Variants in CPEB3 observed in about 807,000 individuals in gnomAD.
CPEB3 encodes the protein cytoplasmic polyadenylation element binding protein 3, also known as cytoplasmic polyadenylation element-binding protein 3.
CPEB3 carries 20 observed loss-of-function variants against 67.2 expected under a neutral mutation model. The observed-to-expected ratio is 0.30, with a 90% CI of 0.21 to 0.43. The LOEUF (loss-of-function observed/expected upper bound fraction) is 0.43, where lower values mean the gene tolerates loss of function less well. Ranked by LOEUF, CPEB3 falls within the 20% of genes least tolerant of loss-of-function variation. The pLI is 1.00. For missense variants in CPEB3, 746 were observed against 968.6 expected (o/e 0.77, Z 3.05); for synonymous variants, 376 against 393.1 (o/e 0.96, Z 0.51).
chr10:92,090,478 G>A (rs1026816328), intron 8 of CPEB3, among the ~76,000 whole-genome samples: 11 of 152,178 alleles, frequency 7.2e-5, no homozygotes, highest in African/African-American at 2.7e-4. Context: ...GGAGGCGGAG[G>A]TTGCAGTGAG....
chr10:92,120,693 T>A (rs1845322203), intron 6 of CPEB3, among the ~76,000 whole-genome samples: 2 of 152,182 alleles, frequency 1.3e-5, no homozygotes, highest in Admixed American at 1.3e-4. Flanking sequence ...TATTTAGGAA[T>A]GAGAGTCTAC....
At chr10:92,269,703 A>G (rs936653193) in intron 1 of CPEB3, among the ~76,000 whole-genome samples, 14 of 152,058 alleles carry the variant, frequency 9.2e-5, no homozygotes, top group African/African-American at 3.4e-4. Context: ...GATTACAGGC[A>G]TGCACCACTG....
At chr10:92,206,293 G>A (rs1049465453) in intron 2 of CPEB3, among the ~76,000 whole-genome samples, 4 of 151,772 alleles carry the variant, frequency 2.6e-5, no homozygotes, top group South Asian at 2.1e-4. Flanking sequence ...GGCTGGTCTC[G>A]AACTCCCAAC....
chr10:92,069,941 C>T lies in CPEB3; in HGVS notation c.1869+11379G>A, dbSNP rs188997786. 7.9e-5 allele frequency among the ~76,000 whole-genome samples: 12 copies of T among 152,240 alleles called. No individual in the cohort carries two copies. In the East Asian group the frequency reaches 2.3e-3, roughly 29 times the overall value. ...GGGAATATCAACCACAATGTCAATG[C>T]CCCACTACTACATGGACATGCAGTT... On this transcript the variant is annotated intron_variant, in intron 9 of 9. Transcript: ENST00000265997.
At chr10:92,241,896 A>C (rs1851866763) in intron 1 of CPEB3, among the ~76,000 whole-genome samples, 1 of 152,248 alleles carries the variant, frequency 6.6e-6, no homozygotes, top group African/African-American at 2.4e-5. Context: ...TTATTAATAA[A>C]TTTAATGCAG....
intron 9 of CPEB3, among the ~76,000 whole-genome samples, chr10:92,053,127 T>A (rs74149360): frequency 6.6e-6 from 1 of 152,190 alleles, no homozygotes; most frequent in Admixed American, 6.5e-5. Flanking sequence ...GAAGCTACTA[T>A]AATAATTGGG....
In CPEB3 at chr10:92,071,628, G is replaced by A. The variant is rs576720600; in HGVS notation, c.1869+9692C>T. 2.7e-3 allele frequency among the ~76,000 whole-genome samples: 405 copies of A among 151,914 alleles called. 3 individuals carry two copies. The highest frequency in any genetic ancestry group is 4.9e-3 in the Admixed American group (74 of 15,252). On this transcript the variant is annotated intron_variant, in intron 9 of 9. Coordinates refer to ENST00000265997, the MANE Select transcript of CPEB3 (RefSeq NM_014912.5). ...CAGGCGCCTGTAATCCCAGCTACTCGGGAGGCTGAGGCAAGAGAATCGCTT... is the reference window on the plus strand; with the variant it reads ...CAGGCGCCTGTAATCCCAGCTACTCAGGAGGCTGAGGCAAGAGAATCGCTT...
At chr10:92,108,474 T>C (rs188211400) in intron 7 of CPEB3, among the ~76,000 whole-genome samples, 12 of 152,270 alleles carry the variant, frequency 7.9e-5, no homozygotes, top group Admixed American at 3.3e-4. Flanking sequence ...GATGTGGAGC[T>C]AAAACCAAGT....
At chr10:92,187,340 C>T (rs1326749964) in intron 3 of CPEB3, among the ~76,000 whole-genome samples, 1 of 152,178 alleles carries the variant, frequency 6.6e-6, no homozygotes, top group Non-Finnish European at 1.5e-5. Context: ...GTTCTTTTCA[C>T]TTTTCAAATC....
At chr10:92,240,437 T>C in intron 1 of CPEB3, 76 bp from the exon 2 acceptor site, 1 of 1,358,842 alleles carries the variant, frequency 7.4e-7, no homozygotes. Context: ...GGCGGGTGTT[T>C]CACTTGCGAA....
chr10:92,143,083 G>A lies in CPEB3; in HGVS notation c.1399C>T (p.Leu467Phe). 6.2e-7 allele frequency: 1 copy of A among 1,613,670 alleles called. No homozygotes were observed. The highest frequency in any genetic ancestry group is 8.5e-7 in the Non-Finnish European group (1 of 1,179,794). ...ITASFRRFGP[L>F]VVDWPHKAES... Reference sequence around the variant, plus strand: ...GCTTTGTGAGGCCAGTCTACTACGAGAGGTCCAAACCTGCGAAAGCTGGCA... The same window carrying A: ...GCTTTGTGAGGCCAGTCTACTACGAAAGGTCCAAACCTGCGAAAGCTGGCA... The change falls in exon 6 of 10, where the codon CTC becomes TTC. Residue 467 changes from leucine (L) to phenylalanine (F), a missense_variant. Physicochemically the swap from Leu to Phe is conservative, Grantham distance 22. This residue lies in a region of CPEB3 where 643 missense variants were observed against 717.5 expected (regional missense o/e 0.90). Transcript: ENST00000265997.
intron 1 of CPEB3, among the ~76,000 whole-genome samples, chr10:92,271,013 C>A (rs557443594): frequency 7.2e-5 from 11 of 152,194 alleles, no homozygotes; most frequent in Admixed American, 6.5e-4. Flanking sequence ...CTCGTCTCTA[C>A]TAAAAATACA....
At chr10:92,141,181 C>T (rs1354179840) in intron 6 of CPEB3, among the ~76,000 whole-genome samples, 9 of 138,584 alleles carry the variant, frequency 6.5e-5, no homozygotes, top group Non-Finnish European at 1.4e-4. Context: ...CACATGCACA[C>T]GTATGTTTAT....
chr10:92,260,147 C>T (rs1400825058), intron 1 of CPEB3, among the ~76,000 whole-genome samples: 2 of 152,178 alleles, frequency 1.3e-5, no homozygotes, highest in African/African-American at 4.8e-5. Flanking sequence ...CCCACTGACA[C>T]AAAGCTTTTA....
chr10:92,203,942 T>A (rs1018242392), intron 2 of CPEB3, among the ~76,000 whole-genome samples: 1 of 152,206 alleles, frequency 6.6e-6, no homozygotes, highest in African/African-American at 2.4e-5. Context: ...TCTTTAATAT[T>A]TCTCCAGGAA....
Position 92,239,827 on chromosome 10 carries a change from G to A in CPEB3, c.524C>T (p.Pro175Leu), listed in dbSNP as rs773197389. ...CTGTGGTGGCTGCGCTGGCTGTGCC[G>A]GCTGCGGCGCGGGCGCAGGCGGCGG... The part of the protein sequence containing the change: ...QPPPPAPAPQ[P>L]AQPAQPPQAQ... Residue 175 changes from proline (P) to leucine (L), a missense_variant, in exon 2 of 10, where the codon CCG becomes CTG. By Grantham distance (98) the Pro-to-Leu change is moderately conservative. Around this residue, in one of 2 missense-constraint regions of CPEB3, gnomAD observed 643 missense variants for 717.5 expected, o/e 0.90. Coordinates refer to ENST00000265997, the MANE Select transcript of CPEB3 (RefSeq NM_014912.5). This position sits in a 1 kb window ranked among gnomAD's most constrained non-coding sequence, Gnocchi z 6.0. The A allele has an allele frequency of 1.5e-5, 22 of 1,474,134 alleles. No homozygotes were observed. Among genetic ancestry groups the A allele is most frequent in the Non-Finnish European group, 1.9e-5 (21 of 1,113,096 alleles). 91.3% of individuals were successfully genotyped at this position (1,474,134 alleles called of 1,614,324 possible).
At chr10:92,156,121 T>C (rs1309391696) in intron 4 of CPEB3, among the ~76,000 whole-genome samples, 1 of 152,066 alleles carries the variant, frequency 6.6e-6, no homozygotes, top group Non-Finnish European at 1.5e-5. Context: ...AATCAGGGCA[T>C]ACAGAAAAGG....
At chr10:92,255,660 G>A (rs896413140) in intron 1 of CPEB3, among the ~76,000 whole-genome samples, 3 of 152,142 alleles carry the variant, frequency 2.0e-5, no homozygotes, top group African/African-American at 4.8e-5. Flanking sequence ...GAACCTAACC[G>A]TGGTGCACCA....
intron 4 of CPEB3, among the ~76,000 whole-genome samples, chr10:92,148,047 C>T (rs1464483844): frequency 1.3e-5 from 2 of 152,178 alleles, no homozygotes; most frequent in Admixed American, 6.5e-5. Context: ...ACTTCTACCT[C>T]GTACCCCACA....
Sources: gnomAD v4.1 joint callset for allele counts (sites outside exome capture counted in the v4.1 genomes callset) on GRCh38, gnomAD v4.1.1 for gene constraint, gnomAD v4.1.1 regional missense constraint, Gnocchi (gnomAD v3.1) non-coding constraint, MANE v1.5 for transcripts, NCBI Gene and HGNC (gene_info 2026-07-23, HGNC 2026-07-21) for gene names.